The following PDXDC1 variants were observed in gnomAD, a reference collection of about 807,000 sequenced individuals.
PDXDC1 encodes the protein pyridoxal-dependent decarboxylase domain-containing protein 1.
PDXDC1 carries 42 observed loss-of-function variants against 100.1 expected under a neutral mutation model. The observed-to-expected ratio is 0.42, with a 90% confidence interval of 0.33 to 0.54. PDXDC1 has a LOEUF of 0.54. PDXDC1 is among the 20% of genes least tolerant of loss of function. The pLI is 0.10. For missense variants in PDXDC1, 636 were observed against 979.2 expected (o/e 0.65, Z 4.68); for synonymous variants, 260 against 371.7 (o/e 0.70, Z 3.46).
intron 16 of PDXDC1, among the ~76,000 whole-genome samples, chr16:15,075,938 AG>A (rs1315794853): frequency 6.6e-6 from 1 of 152,136 alleles, no homozygotes; most frequent in Non-Finnish European, 1.5e-5. Flanking sequence ...CACTCTTTCC[AG>A]CCCCTCCCCC....
At chr16:15,118,932 GT>G (rs1389130978) in intron 16 of PDXDC1, 1 of 1,597,446 alleles carries the variant, frequency 6.3e-7, no homozygotes, top group Non-Finnish European at 8.5e-7. Context: ...TCACCCAAAG[GT>G]AAGTTGTGCA....
At chr16:15,021,293 C>T (rs1428579891) in intron 12 of PDXDC1, among the ~76,000 whole-genome samples, 1 of 152,242 alleles carries the variant, frequency 6.6e-6, no homozygotes, top group African/African-American at 2.4e-5. Flanking sequence ...GGGAAGATCA[C>T]TTGAGCCCAG....
the PDXDC1 span, among the ~76,000 whole-genome samples, chr16:15,144,580 G>C: frequency 6.6e-6 from 1 of 152,146 alleles, no homozygotes. Flanking sequence ...CCCGGACACG[G>C]GGTGTGAGAC....
downstream of PDXDC1, among the ~76,000 whole-genome samples, chr16:15,041,465 A>G (rs1395640946): frequency 6.6e-6 from 1 of 152,038 alleles, no homozygotes; most frequent in African/African-American, 2.4e-5. Context: ...GACGAGGGCA[A>G]GGGGAAGGGG....
chr16:15,058,675 G>A (rs2044610799), intron 16 of PDXDC1, among the ~76,000 whole-genome samples: 1 of 152,162 alleles, frequency 6.6e-6, no homozygotes, highest in Admixed American at 6.5e-5. Context: ...TGCAGTTGTT[G>A]AGCTGTGATT....
At chr16:15,009,550 A>G in intron 7 of PDXDC1, 131 bp from the exon 8 acceptor site, 1 of 1,349,756 alleles carries the variant, frequency 7.4e-7, no homozygotes, top group Non-Finnish European at 9.8e-7. Flanking sequence ...GAAAACAGAA[A>G]AATTGTCAAG....
rs1266620970 is a variant in PDXDC1, at chr16:15,094,053, G to T, written c.1400-44826G>T. 51 of 1,148,634 alleles carry T rather than the reference G, an allele frequency of 4.4e-5. 1 individual carries two copies. In the South Asian group the frequency reaches 5.1e-4, roughly 12 times the overall value. The allele number at this position is 1,148,634 out of a possible 1,614,324, so 71.2% of individuals were successfully genotyped here. A position where few individuals can be genotyped will look rare whatever the true frequency, so the allele number is the denominator to read the frequency against. On this transcript the variant is annotated intron_variant, in intron 16 of 16. Coordinates refer to the PDXDC1 transcript ENST00000535621. ...ACCCCGTGCTCCTATCACACGCCAT[G>T]AGCTTTGTCCCACATCCTTTCAATC... is the stretch of plus-strand genomic sequence containing the variant.
At chr16:15,149,091 G>A in the PDXDC1 span, among the ~76,000 whole-genome samples, 2 of 152,280 alleles carry the variant, frequency 1.3e-5, no homozygotes, top group Non-Finnish European at 2.9e-5. Flanking sequence ...CACTGCCTCC[G>A]CTCGGCTGCC....
At chr16:15,019,119 G>A (rs1014472156) in intron 12 of PDXDC1, among the ~76,000 whole-genome samples, 154 bp downstream of exon 12, 2 of 152,290 alleles carry the variant, frequency 1.3e-5, no homozygotes, top group African/African-American at 4.8e-5. Context: ...AATATTTCTT[G>A]TTCAAAGTTC....
chr16:15,152,453 TG>T, the PDXDC1 span, among the ~76,000 whole-genome samples: 1 of 47,332 alleles, frequency 2.1e-5, no homozygotes, highest in Non-Finnish European at 5.9e-5. Flanking sequence ...GAGGGTGGCC[TG>T]GGGGGCCAGC....
intron 16 of PDXDC1, chr16:15,086,150 T>A: frequency 6.2e-7 from 1 of 1,601,820 alleles, no homozygotes; most frequent in South Asian, 1.1e-5. Context: ...TGGGAAGCAA[T>A]CATGCTGAGA....
intron 16 of PDXDC1, among the ~76,000 whole-genome samples, chr16:15,124,209 G>A (rs2047578061): frequency 6.6e-6 from 1 of 152,146 alleles, no homozygotes; most frequent in African/African-American, 2.4e-5. Flanking sequence ...GCAGGACCCA[G>A]GGGCCTGGTG....
chr16:15,128,152 G>A (rs1417452438), intron 16 of PDXDC1: 5 of 1,609,786 alleles, frequency 3.1e-6, no homozygotes, highest in Non-Finnish European at 2.5e-6. Context: ...AGGCGCGGGA[G>A]GGAGGTCAGG....
At chr16:15,052,221 G>A (rs1219680346) in intron 16 of PDXDC1, among the ~76,000 whole-genome samples, 1 of 152,148 alleles carries the variant, frequency 6.6e-6, no homozygotes, top group Non-Finnish European at 1.5e-5. Flanking sequence ...TACAGATGTG[G>A]CTGTGTTCCA....
intron 1 of PDXDC1, among the ~76,000 whole-genome samples, chr16:14,997,320 T>G (rs1972193955): frequency 6.6e-6 from 1 of 152,286 alleles, no homozygotes; most frequent in African/African-American, 2.4e-5. Flanking sequence ...GCAGATCACT[T>G]GAGGTCAAGA....
intron 5 of PDXDC1, among the ~76,000 whole-genome samples, chr16:15,005,978 A>T (rs1314181896): frequency 6.6e-6 from 1 of 152,284 alleles, no homozygotes; most frequent in Non-Finnish European, 1.5e-5. Context: ...GTGAGCCACC[A>T]CACCCAGCCT....
intron 1 of PDXDC1, among the ~76,000 whole-genome samples, chr16:14,976,400 TTGGGCCAGA>T (rs1386789610): frequency 7.2e-5 from 11 of 152,278 alleles, no homozygotes; most frequent in Non-Finnish European, 1.3e-4. Context: ...ATTGTAAAGG[TTGGGCCAGA>T]TGTCTTCATG....
rs139913383 is a variant in PDXDC1 at position 15,034,306 on chromosome 16, A to G, written c.1833A>G (p.Glu611=). The G allele has an allele frequency of 4.5e-4, 723 of 1,613,224 alleles. 8 individuals carry two copies. The East Asian group carries it at 0.012, about 27-fold the overall frequency. The change falls in exon 20 of 23, where the codon GAA becomes GAG. Residue 611 remains glutamate (E), a synonymous_variant. Transcript: ENST00000396410. ...ENSRLLENMT[E]VVRKGIQEAQ... Reference sequence around the variant, plus strand: ...CACAGCTTCTGGAAAACATGACAGAAGTGGTTCGGAAAGGCATTCAGGAAG... The same window carrying G: ...CACAGCTTCTGGAAAACATGACAGAGGTGGTTCGGAAAGGCATTCAGGAAG...
chr16:15,102,312 A>G (rs1457423234), intron 16 of PDXDC1, among the ~76,000 whole-genome samples: 4 of 152,112 alleles, frequency 2.6e-5, no homozygotes, highest in African/African-American at 9.7e-5. Flanking sequence ...ATTTCATTAT[A>G]AACCTGCCCT....
Sources: gnomAD v4.1 joint callset for allele counts (sites outside exome capture counted in the v4.1 genomes callset) on GRCh38, gnomAD v4.1.1 for gene constraint, MANE v1.5 for transcripts, NCBI Gene and HGNC (gene_info 2026-07-23, HGNC 2026-07-21) for gene names.